Variants in ATE1 observed in about 807,000 individuals in gnomAD.
ATE1 encodes arginyl-tRNA--protein transferase 1.
ATE1 carries 36 observed loss-of-function variants against 70.5 expected under a neutral mutation model. The observed-to-expected ratio is 0.51, with a 90% confidence interval of 0.39 to 0.67. The LOEUF is 0.67. Among genes scored for constraint, ATE1 ranks in the 30% least tolerant of loss-of-function variants. The pLI, the probability that ATE1 is intolerant of heterozygous loss-of-function variation, is 0.00. For synonymous variants in ATE1, 232 were observed against 219.3 expected (o/e 1.06, Z -0.51); for missense variants, 593 against 629.5 (o/e 0.94, Z 0.62).
chr10:121,797,540 TA>T (rs1946706538), intron 10 of ATE1, among the ~76,000 whole-genome samples: 1 of 151,754 alleles, frequency 6.6e-6, no homozygotes, highest in Non-Finnish European at 1.5e-5. Context: ...ACTATCCATT[TA>T]AAAATAGAAT....
At chr10:121,775,112 A>G (rs1408572723) in intron 11 of ATE1, among the ~76,000 whole-genome samples, 1 of 152,242 alleles carries the variant, frequency 6.6e-6, no homozygotes, top group Non-Finnish European at 1.5e-5. Flanking sequence ...TTGCTAAAAC[A>G]GATAAACAAT....
At chr10:121,783,729 T>G (rs1946092345) in intron 11 of ATE1, among the ~76,000 whole-genome samples, 1 of 152,146 alleles carries the variant, frequency 6.6e-6, no homozygotes, top group Non-Finnish European at 1.5e-5. Context: ...GAAGCAGCAC[T>G]CTAAGATGCC....
chr10:121,916,185 C>A (rs1951649780), intron 3 of ATE1, among the ~76,000 whole-genome samples: 1 of 151,988 alleles, frequency 6.6e-6, no homozygotes, highest in Non-Finnish European at 1.5e-5. Flanking sequence ...AGAGATCACA[C>A]CACTGCACTC....
chr10:121,812,617 C>T (rs923472172), intron 10 of ATE1, among the ~76,000 whole-genome samples: 2 of 152,140 alleles, frequency 1.3e-5, no homozygotes, highest in African/African-American at 2.4e-5. Flanking sequence ...ATTATGGTCC[C>T]TAAAAAATTA....
intron 10 of ATE1, among the ~76,000 whole-genome samples, chr10:121,807,823 C>T (rs1239908499): frequency 1.3e-5 from 2 of 152,068 alleles, no homozygotes; most frequent in African/African-American, 4.8e-5. Context: ...GAAAACATAT[C>T]AAAAGAACAC....
chr10:121,830,685 T>C (rs1948201871), intron 10 of ATE1, among the ~76,000 whole-genome samples: 2 of 152,192 alleles, frequency 1.3e-5, no homozygotes, highest in Non-Finnish European at 2.9e-5. Context: ...TTTCTTAAAA[T>C]ATAAAGTATT....
Position 121,743,850 on chromosome 10 carries a change from C to T in ATE1, c.1387G>A (p.Asp463Asn). Residue 463 changes from aspartate (D) to asparagine (N), a missense_variant, in exon 12 of 12, where the codon GAT becomes AAT. Around this residue, in one of 3 missense-constraint regions of ATE1, gnomAD observed 90 missense variants for 93.7 expected, o/e 0.96. Coordinates refer to ENST00000224652, the MANE Select transcript of ATE1 (RefSeq NM_001001976.3). ...FNQDPEAVDE[D>N]RSTEPDRLQV... Reference sequence around the variant, plus strand: ...AATCGGTCAGGTTCCGTACTGCGATCCTCATCCACTGCAACGACAAAAAAT... The same window carrying T: ...AATCGGTCAGGTTCCGTACTGCGATTCTCATCCACTGCAACGACAAAAAAT... 1.2e-6 allele frequency: 2 copies of T among 1,600,402 alleles called. No homozygotes were observed. Among genetic ancestry groups the T allele is most frequent in the Non-Finnish European group, 1.7e-6 (2 of 1,174,410 alleles).
At position 121,743,692 on chromosome 10, in the gene ATE1, C is replaced by G. The variant is rs1414408276; in HGVS notation, c.1545G>C (p.Leu515=). ...VGQKCSERML[L]FRN ...AGAGGTGAACAGGTCAGTTTCTGAA[C>G]AGCAGCATCCGCTCGGAGCACTTCT... The change falls in exon 12 of 12, where the codon CTG becomes CTC. Residue 515 remains leucine (L), a synonymous_variant. Coordinates refer to ENST00000224652, the MANE Select transcript of ATE1 (RefSeq NM_001001976.3). 2 of 1,609,596 alleles carry G rather than the reference C, an allele frequency of 1.2e-6. No homozygotes were observed. Among genetic ancestry groups the G allele is most frequent in the East Asian group, 4.5e-5 (2 of 44,866 alleles).
chr10:121,836,967 A>G, intron 9 of ATE1, 150 bp from the exon 10 acceptor site: 2 of 600,538 alleles, frequency 3.3e-6, no homozygotes, highest in Non-Finnish European at 5.8e-6. Context: ...CTTTTAAAAC[A>G]CTATACAATT....
rs1182727746 is a variant in ATE1, at chr10:121,743,150, T to C, written c.*530A>G. On this transcript the variant is annotated 3_prime_UTR_variant, in exon 12 of 12. Transcript: ENST00000224652. ...TATTTTTTCAAGTTCTCTATTAAAC[T>C]ACATAACATTTGGCAGCAATTTCAC... The C allele has an allele frequency of 6.6e-6, 1 of 152,548 alleles. No homozygotes were observed. The highest frequency in any genetic ancestry group is 2.4e-5 in the African/African-American group (1 of 41,464). 9.4% of individuals were successfully genotyped at this position (152,548 alleles called of 1,614,324 possible).
At chr10:121,826,199 G>C (rs947371386) in intron 10 of ATE1, among the ~76,000 whole-genome samples, 3 of 152,168 alleles carry the variant, frequency 2.0e-5, no homozygotes, top group Admixed American at 2.0e-4. Context: ...TGACATGGAA[G>C]GTGGTGATGG....
intron 3 of ATE1, 43 bp from the exon 4 acceptor site, chr10:121,913,936 TG>T (rs759395648): frequency 1.4e-6 from 2 of 1,465,666 alleles, no homozygotes; most frequent in Non-Finnish European, 1.9e-6. Context: ...ACTCAAACCT[TG>T]AAGAAATGAA....
intron 7 of ATE1, among the ~76,000 whole-genome samples, chr10:121,875,430 G>A (rs1038480446): frequency 4.3e-4 from 64 of 149,390 alleles, no homozygotes; most frequent in African/African-American, 1.5e-3. Flanking sequence ...TCAGCCTCCC[G>A]AGTAGCTAGG....
chr10:121,858,281 T>A (rs1460714068), intron 8 of ATE1, among the ~76,000 whole-genome samples: 1 of 152,194 alleles, frequency 6.6e-6, no homozygotes, highest in Non-Finnish European at 1.5e-5. Flanking sequence ...TACCATTTCA[T>A]GTTCCCACCA....
chr10:121,919,267 G>C (rs562001291), intron 3 of ATE1, among the ~76,000 whole-genome samples: 1 of 152,042 alleles, frequency 6.6e-6, no homozygotes, highest in Non-Finnish European at 1.5e-5. Flanking sequence ...TGAAGTGAGC[G>C]AGACCAAGAA....
At chr10:121,905,855 G>GAA (rs74641688) in intron 5 of ATE1, among the ~76,000 whole-genome samples, 20,108 of 150,878 alleles carry the variant, frequency 0.13, 1,529 homozygotes, top group East Asian at 0.19. Flanking sequence ...CCAAGAGAGA[G>GAA]AAAAAAAAGT....
chr10:121,927,200 C>G (rs1952127056), intron 1 of ATE1: 2 of 985,300 alleles, frequency 2.0e-6, no homozygotes, highest in Non-Finnish European at 2.4e-6. Context: ...AACTTGTGGG[C>G]TGGCTTTGCT....
At chr10:121,772,308 G>A (rs1036473748) in intron 11 of ATE1, among the ~76,000 whole-genome samples, 1 of 152,180 alleles carries the variant, frequency 6.6e-6, no homozygotes, top group African/African-American at 2.4e-5. Flanking sequence ...ATTACTCAAC[G>A]TCTGAATTCT....
At chr10:121,775,029 A>C (rs1564826891) in intron 11 of ATE1, among the ~76,000 whole-genome samples, 1 of 152,224 alleles carries the variant, frequency 6.6e-6, no homozygotes, top group Non-Finnish European at 1.5e-5. Context: ...GACACTTGGC[A>C]GACAGACAGT....
Sources: allele counts gnomAD v4.1 joint callset (sites outside exome capture counted in the v4.1 genomes callset), GRCh38; gene constraint gnomAD v4.1.1; regional missense constraint gnomAD v4.1.1; transcripts MANE v1.5; gene names NCBI Gene and HGNC (gene_info 2026-07-23, HGNC 2026-07-21).